PLB1: variants seen among roughly 807,000 people sequenced by gnomAD.
The protein encoded by PLB1 is phospholipase B1.
A neutral mutation model predicts 227.4 loss-of-function variants in PLB1; 242 were observed. The ratio of observed to expected loss-of-function variants is 1.06; its 90% CI spans 0.96 to 1.18. The LOEUF (loss-of-function observed/expected upper bound fraction) is 1.18, where lower values mean the gene tolerates loss of function less well. PLB1 is among the 50% of genes most tolerant of loss of function. The pLI is 0.00. For missense variants in PLB1, 1,858 were observed against 1,816.3 expected (o/e 1.02, Z -0.42); for synonymous variants, 757 against 682.2 (o/e 1.11, Z -1.71).
chr2:28,544,843 TAAGAG>T (rs567545041), intron 14 of PLB1, among the ~76,000 whole-genome samples: 166 of 152,208 alleles, frequency 1.1e-3, no homozygotes, highest in African/African-American at 3.7e-3. Context: ...GCCTGTCTGA[TAAGAG>T]AAGAGATACG....
chr2:28,522,947 A>G (rs1043065451), intron 4 of PLB1, among the ~76,000 whole-genome samples: 1 of 152,230 alleles, frequency 6.6e-6, no homozygotes, highest in Admixed American at 6.5e-5. Flanking sequence ...AGTGAATTTA[A>G]GAAGAAAAAA....
chr2:28,606,572 T>C lies in PLB1; in HGVS notation c.3129+5T>C, dbSNP rs1476735152. 6.2e-7 allele frequency: 1 copy of C among 1,613,872 alleles called. No homozygotes were observed. The highest frequency in any genetic ancestry group is 1.7e-5 in the Admixed American group (1 of 60,014). On this transcript the variant is annotated splice_donor_5th_base_variant and intron_variant, in intron 43 of 57. Transcript: ENST00000327757. ...CCCATCACCTGTCCCACTCAGGTAG[T>C]AGGGGAGGACCTGCCTGGCTCCTCT...
chr2:28,581,086 A>T (rs946497650), intron 23 of PLB1, among the ~76,000 whole-genome samples: 1 of 152,154 alleles, frequency 6.6e-6, no homozygotes, highest in African/African-American at 2.4e-5. Flanking sequence ...CACAGCTTTC[A>T]TATGTTCCAT....
intron 56 of PLB1, among the ~76,000 whole-genome samples, chr2:28,635,565 G>C (rs374830544): frequency 6.6e-6 from 1 of 152,234 alleles, no homozygotes; most frequent in African/African-American, 2.4e-5. Context: ...CTCACAATTA[G>C]AGTCCTATGA....
chr2:28,582,602 T>C, intron 25 of PLB1, 97 bp downstream of exon 25: 2 of 928,942 alleles, frequency 2.2e-6, no homozygotes, highest in Non-Finnish European at 3.4e-6. Context: ...AGGGCCGAAG[T>C]GTGAAAGGGC....
At chr2:28,518,916 C>T (rs1669166793) in intron 3 of PLB1, among the ~76,000 whole-genome samples, 1 of 152,134 alleles carries the variant, frequency 6.6e-6, no homozygotes, top group Non-Finnish European at 1.5e-5. Context: ...GGGCCTTCTT[C>T]CCTGACTTTA....
At chr2:28,605,659 G>A (rs1435432002) in intron 41 of PLB1, among the ~76,000 whole-genome samples, 194 bp from the exon 42 acceptor site, 1 of 152,178 alleles carries the variant, frequency 6.6e-6, no homozygotes, top group African/African-American at 2.4e-5. Context: ...GTTGGGGGTT[G>A]GCGTCACCCA....
At chr2:28,584,334 C>T (rs1680547282) in intron 25 of PLB1, among the ~76,000 whole-genome samples, 1 of 152,240 alleles carries the variant, frequency 6.6e-6, no homozygotes, top group South Asian at 2.1e-4. Context: ...GAGAAGGCCT[C>T]ACGGTGCTGT....
At chr2:28,515,723 ATGT>A (rs1411313848) in intron 1 of PLB1, among the ~76,000 whole-genome samples, 1 of 152,184 alleles carries the variant, frequency 6.6e-6, no homozygotes, top group Non-Finnish European at 1.5e-5. Context: ...GGCATTGCTA[ATGT>A]TGTTTGGGGG....
chr2:28,606,474 C>G, intron 42 of PLB1, 22 bp from the exon 43 acceptor site: 4 of 1,607,766 alleles, frequency 2.5e-6, no homozygotes, highest in Non-Finnish European at 3.4e-6. Flanking sequence ...ACACCCGTGT[C>G]TCTCTTTTCT....
intron 36 of PLB1, 133 bp downstream of exon 36, chr2:28,600,993 C>A (rs1245444569): frequency 2.0e-5 from 17 of 852,640 alleles, no homozygotes; most frequent in Non-Finnish European, 1.3e-5. Context: ...GTCGGACAGC[C>A]CCCTGACAGA....
chr2:28,544,924 C>A (rs1433132789), intron 14 of PLB1, among the ~76,000 whole-genome samples: 1 of 152,032 alleles, frequency 6.6e-6, no homozygotes, highest in East Asian at 1.9e-4. Context: ...GAGGGCAGGT[C>A]CAGGGAGAGG....
intron 56 of PLB1, among the ~76,000 whole-genome samples, chr2:28,634,376 A>G (rs995172598): frequency 2.0e-5 from 3 of 152,102 alleles, no homozygotes; most frequent in Admixed American, 2.0e-4. Flanking sequence ...CTTTGTAAAA[A>G]TCTTCCCAAA....
chr2:28,585,885 T>G (rs1288112890), intron 26 of PLB1, 43 bp downstream of exon 26: 1 of 1,485,762 alleles, frequency 6.7e-7, no homozygotes, highest in South Asian at 1.1e-5. Context: ...AACTGCTGTG[T>G]GATTCGATTG....
intron 55 of PLB1, among the ~76,000 whole-genome samples, chr2:28,632,742 C>A (rs868700498): frequency 6.6e-6 from 1 of 151,540 alleles, no homozygotes; most frequent in African/African-American, 2.4e-5. Flanking sequence ...GCTGACAGTG[C>A]GAAACTCCGT....
chr2:28,589,887 G>T, intron 28 of PLB1, 117 bp downstream of exon 28: 1 of 1,361,024 alleles, frequency 7.3e-7, no homozygotes, highest in South Asian at 1.2e-5. Flanking sequence ...GCACGGCAAT[G>T]ACAAACAAAC....
intron 40 of PLB1, among the ~76,000 whole-genome samples, chr2:28,604,374 G>A (rs1469957002): frequency 6.6e-6 from 1 of 152,224 alleles, no homozygotes; most frequent in African/African-American, 2.4e-5. Flanking sequence ...GGCAGGTGCC[G>A]AGCCTCTGGA....
At position 28,519,868 on chromosome 2, in the gene PLB1, A is replaced by ATC. The variant is rs1669285551; in HGVS notation, c.243+106_243+107dup. The ATC allele has an allele frequency of 4.1e-6, 3 of 734,318 alleles. No homozygotes were observed. In the African/African-American group the frequency reaches 5.3e-5, roughly 13 times the overall value. 45.5% of individuals were successfully genotyped at this position (734,318 alleles called of 1,614,324 possible). A position where few individuals can be genotyped will look rare whatever the true frequency, so the allele number is the denominator to read the frequency against. On this transcript the variant is annotated intron_variant, in intron 4 of 57. Transcript: ENST00000327757. ...AGAACGTTTCATTTTGGGAGAGAAC[A>ATC]TCATGTGAACTAGATAAATCCAGGA...
chr2:28,598,561 C>T (rs947950977), intron 34 of PLB1, 91 bp from the exon 35 acceptor site: 2 of 981,032 alleles, frequency 2.0e-6, no homozygotes, highest in South Asian at 2.7e-5. Context: ...ATAACACAGC[C>T]CACTTTGGGG....
Sources: gnomAD v4.1 joint callset for allele counts (sites outside exome capture counted in the v4.1 genomes callset) on GRCh38, gnomAD v4.1.1 for gene constraint, MANE v1.5 for transcripts, NCBI Gene and HGNC (gene_info 2026-07-23, HGNC 2026-07-21) for gene names.